Variants in XCR1 observed in about 807,000 individuals in gnomAD.
XCR1 encodes chemokine XC receptor 1.
For missense variants in XCR1, 356 were observed against 424.2 expected, an observed-to-expected ratio of 0.84 and a Z score of 1.41; for synonymous variants, 187 against 188.5, an observed-to-expected ratio of 0.99 and a Z score of 0.06.
chr3:46,029,701 G>T (rs1242056485), upstream of XCR1, among the ~76,000 whole-genome samples: 1 of 152,202 alleles, frequency 6.6e-6, no homozygotes, highest in Non-Finnish European at 1.5e-5. Context: ...ACACTATCAA[G>T]AAATTTTAAA....
chr3:46,068,642 G>T (rs148192737), intron 3 of XCR1, among the ~76,000 whole-genome samples: 162 of 152,186 alleles, frequency 1.1e-3, no homozygotes, highest in Middle Eastern at 0.01. Context: ...TAAAGATGCC[G>T]AGCCAACCTG....
Position 46,021,249 on chromosome 3 carries a change from G to A in XCR1, c.699C>T (p.Ala233=). The A allele has an allele frequency of 6.2e-7, 1 of 1,614,188 alleles. No homozygotes were observed. The highest frequency in any genetic ancestry group is 1.1e-5 in the South Asian group (1 of 91,082). The part of the protein sequence containing the change: ...TVKLIFAIVV[A]YFLSWGPYNF... ...TGTAGGGACCCCAGCTGAGGAAGTA[G>A]GCCACCACGATGGCGAAGATGAGCT... is the stretch of plus-strand genomic sequence containing the variant. The change falls in exon 2 of 2, where the codon GCC becomes GCT. Residue 233 remains alanine, a synonymous_variant. Coordinates refer to ENST00000309285, the MANE Select transcript of XCR1 (RefSeq NM_001024644.2). The surrounding 1 kb of genome is among the most constrained non-coding windows in gnomAD (Gnocchi z 4.7).
chr3:46,049,054 T>C (rs865906779), intron 5 of XCR1, among the ~76,000 whole-genome samples: 1 of 152,204 alleles, frequency 6.6e-6, no homozygotes, highest in Non-Finnish European at 1.5e-5. Flanking sequence ...CAAATGGTGA[T>C]AGGCAATGTC....
intron 1 of XCR1, among the ~76,000 whole-genome samples, chr3:46,080,719 T>C (rs1698346573): frequency 6.6e-6 from 1 of 152,206 alleles, no homozygotes; most frequent in Non-Finnish European, 1.5e-5. Context: ...GATGTGGACT[T>C]AATGATAGAC....
chr3:46,058,073 G>A (rs915439373), intron 4 of XCR1, among the ~76,000 whole-genome samples: 1 of 152,082 alleles, frequency 6.6e-6, no homozygotes, highest in African/African-American at 2.4e-5. Flanking sequence ...TATGGATTTA[G>A]GTAATGGAAG....
At chr3:46,045,004 G>A (rs1697599012) in intron 5 of XCR1, among the ~76,000 whole-genome samples, 1 of 152,128 alleles carries the variant, frequency 6.6e-6, no homozygotes, top group Admixed American at 6.5e-5. Context: ...TATGAGGCCA[G>A]CATTACCCTA....
At chr3:46,067,104 C>T (rs1698091175) in intron 3 of XCR1, among the ~76,000 whole-genome samples, 1 of 152,142 alleles carries the variant, frequency 6.6e-6, no homozygotes, top group South Asian at 2.1e-4. Context: ...CATAGCATAC[C>T]TCTAGGTGCT....
chr3:46,042,348 T>C (rs1158427426), intron 5 of XCR1, among the ~76,000 whole-genome samples: 1 of 151,842 alleles, frequency 6.6e-6, no homozygotes, highest in African/African-American at 2.4e-5. Context: ...AATGAGAGAA[T>C]AGAAAACAAT....
rs116515008 is a variant in XCR1, at chr3:46,032,796, G to A, written c.-31-10818C>T. On this transcript the variant is annotated intron_variant, in intron 5 of 5. Coordinates refer to the XCR1 transcript ENST00000683768. Reference sequence around the variant, plus strand: ...ATCCACATTCACGTTAGCATTTGATGTCAGGTTCTAAAAAATGTATCCATT... The same window carrying A: ...ATCCACATTCACGTTAGCATTTGATATCAGGTTCTAAAAAATGTATCCATT... Among the ~76,000 whole-genome samples the A allele has an allele frequency of 6.3e-3, 955 of 152,344 alleles. 14 individuals are homozygous for A. The highest frequency in any genetic ancestry group is 0.022 in the African/African-American group (903 of 41,580).
intron 2 of XCR1, among the ~76,000 whole-genome samples, chr3:46,075,728 A>G (rs1235357837): frequency 6.6e-6 from 1 of 152,234 alleles, no homozygotes; most frequent in African/African-American, 2.4e-5. Flanking sequence ...CAGTTAAAAA[A>G]TAGGAAATGA....
intron 3 of XCR1, among the ~76,000 whole-genome samples, chr3:46,073,584 T>TAAACAAA (rs1047775701): frequency 6.6e-6 from 1 of 151,908 alleles, no homozygotes; most frequent in Non-Finnish European, 1.5e-5. Context: ...GTGAGATTCT[T>TAAACAAA]AAACAAAAAA....
At position 46,020,502 on chromosome 3, in the gene XCR1, G is replaced by A. The variant is rs1708118969; in HGVS notation, c.*444C>T. 1 of 163,520 alleles carries A rather than the reference G, an allele frequency of 6.1e-6. No homozygotes were observed. Among genetic ancestry groups the A allele is most frequent in the Admixed American group, 5.8e-5 (1 of 17,144 alleles). The allele number at this position is 163,520 out of a possible 1,614,324, so 10.1% of individuals were successfully genotyped here. A position where few individuals can be genotyped will look rare whatever the true frequency, so the allele number is the denominator to read the frequency against. On this transcript the variant is annotated 3_prime_UTR_variant, in exon 2 of 2. Coordinates refer to ENST00000309285, the MANE Select transcript of XCR1 (RefSeq NM_001024644.2). ...ATACGGAGCCAGGCGCCTCCAAAGT[G>A]AATAAACCAGTAGGGACAACCTTAC...
intron 4 of XCR1, among the ~76,000 whole-genome samples, chr3:46,060,050 C>T (rs1697932144): frequency 6.6e-6 from 1 of 152,168 alleles, no homozygotes; most frequent in Non-Finnish European, 1.5e-5. Flanking sequence ...GAGGGAAAAA[C>T]TCAAAAATAT....
intron 5 of XCR1, among the ~76,000 whole-genome samples, chr3:46,051,581 G>A (rs1482093560): frequency 2.0e-5 from 3 of 152,160 alleles, no homozygotes; most frequent in Admixed American, 1.3e-4. Flanking sequence ...GCTATGGGTT[G>A]GGGTAGATAG....
chr3:46,070,944 A>T (rs1333096564), intron 3 of XCR1, among the ~76,000 whole-genome samples: 1 of 151,378 alleles, frequency 6.6e-6, no homozygotes, highest in East Asian at 1.9e-4. Flanking sequence ...GTTTTATGAA[A>T]CCTGTGAGTT....
chr3:46,021,309 G>C lies in XCR1; in HGVS notation c.639C>G (p.Phe213Leu). The C allele has an allele frequency of 6.2e-7, 1 of 1,614,212 alleles. No homozygotes were observed. The highest frequency in any genetic ancestry group is 8.5e-7 in the Non-Finnish European group (1 of 1,180,036). Residue 213 changes from phenylalanine to leucine, a missense_variant, in exon 2 of 2, where the codon TTC becomes TTG. By Grantham distance (22) the Phe-to-Leu change is conservative. Transcript: ENST00000309285. This position sits in a 1 kb window ranked among gnomAD's most constrained non-coding sequence, Gnocchi z 4.7. The part of the protein sequence containing the change: ...FCYVEILRTL[F>L]RSRSKRRHRT... ...GGTGGCGCCGCTTGGAGCGTGAGCG[G>C]AACAGGGTCCTGAGGATCTCCACGT...
chr3:46,022,265 A>G (rs1349762233), intron 1 of XCR1: 2 of 244,084 alleles, frequency 8.2e-6, no homozygotes, highest in African/African-American at 2.2e-5. Context: ...TGATCATGCC[A>G]CTGCACTCCA....
chr3:46,021,549 G>T lies in XCR1; in HGVS notation c.399C>A (p.Ser133Arg), dbSNP rs1160465946. ...TGGGGACGCGCAGGGTGGAGAGGGGGCTCACTACCGACAGGTAGCGGTGGA... is the reference window on the plus strand; with the variant it reads ...TGGGGACGCGCAGGGTGGAGAGGGGTCTCACTACCGACAGGTAGCGGTGGA... ...MTIHRYLSVVSPLSTLRVPTL... is the reference protein window; with the variant it reads ...MTIHRYLSVVRPLSTLRVPTL... Residue 133 changes from serine to arginine, a missense_variant, in exon 2 of 2, where the codon AGC becomes AGA. By Grantham distance (110) the Ser-to-Arg change is moderately radical (BLOSUM62 -1). Coordinates refer to ENST00000309285, the MANE Select transcript of XCR1 (RefSeq NM_001024644.2). The surrounding 1 kb of genome is among the most constrained non-coding windows in gnomAD (Gnocchi z 4.7). 1 of 1,610,568 alleles carries T rather than the reference G, an allele frequency of 6.2e-7. No homozygotes were observed. Among genetic ancestry groups the T allele is most frequent in the East Asian group, 2.2e-5 (1 of 44,696 alleles).
upstream of XCR1, among the ~76,000 whole-genome samples, chr3:46,028,112 C>T (rs1254954683): frequency 6.6e-6 from 1 of 152,210 alleles, no homozygotes; most frequent in Admixed American, 6.5e-5. Context: ...TTTGGGTCCC[C>T]TCTCTTTGCT....
Sources: gnomAD v4.1 joint callset for allele counts (sites outside exome capture counted in the v4.1 genomes callset) on GRCh38, gnomAD v4.1.1 for gene constraint, Gnocchi (gnomAD v3.1) non-coding constraint, MANE v1.5 for transcripts, NCBI Gene and HGNC (gene_info 2026-07-23, HGNC 2026-07-21) for gene names.